AHCTF1: variants seen among roughly 807,000 people sequenced by gnomAD.
The protein encoded by AHCTF1 is AT-hook containing transcription factor 1, also known as protein ELYS.
AHCTF1 carries 24 observed loss-of-function variants against 248.4 expected under a neutral mutation model. The ratio of observed to expected loss-of-function variants is 0.10; its 90% CI spans 0.07 to 0.14. The LOEUF (loss-of-function observed/expected upper bound fraction) is 0.14, where lower values mean the gene tolerates loss of function less well. Ranked by LOEUF, AHCTF1 falls within the 10% of genes least tolerant of loss-of-function variation. The pLI is 1.00. For missense variants in AHCTF1, 2,206 were observed against 2,636.2 expected, an observed-to-expected ratio of 0.84 and a Z score of 3.57; for synonymous variants, 786 against 929.8, an observed-to-expected ratio of 0.85 and a Z score of 2.81.
chr1:246,931,890 C>CCTG lies in AHCTF1; in HGVS notation c.-323_-321dup, dbSNP rs1001581144. 6.5e-6 allele frequency: 1 copy of CCTG among 152,734 alleles called. No homozygotes were observed. Among genetic ancestry groups the CCTG allele is most frequent in the African/African-American group, 2.4e-5 (1 of 41,466 alleles). 9.5% of individuals were successfully genotyped at this position (152,734 alleles called of 1,614,324 possible). A position where few individuals can be genotyped will look rare whatever the true frequency, so the allele number is the denominator to read the frequency against. ...CTGGGTCCTTCCCCTTGCAACGCTG[C>CCTG]CTGCTCGCCTCGGACAGCGCCGGCC... On this transcript the variant is annotated 5_prime_UTR_variant, in exon 1 of 36. Transcript: ENST00000648844.
At position 246,849,843 on chromosome 1, in the gene AHCTF1, G is replaced by T. The variant is rs1271952701; in HGVS notation, c.6163C>A (p.Gln2055Lys). The T allele has an allele frequency of 6.2e-7, 1 of 1,613,874 alleles. No homozygotes were observed. Among genetic ancestry groups the T allele is most frequent in the Non-Finnish European group, 8.5e-7 (1 of 1,179,824 alleles). ...GAGTGCAATGAACGTTTTTGGCTTTGACTTTCAGTCTTTTTTGTAAGTTTT... is the reference window on the plus strand; with the variant it reads ...GAGTGCAATGAACGTTTTTGGCTTTTACTTTCAGTCTTTTTTGTAAGTTTT... ...KKKLTKKTESQSQKRSLHSVS... is the reference protein window; with the variant it reads ...KKKLTKKTESKSQKRSLHSVS... The change falls in exon 33 of 36, where the codon CAA becomes AAA. Residue 2055 changes from glutamine to lysine, a missense_variant. Gln to Lys is a moderately conservative substitution (Grantham distance 53, BLOSUM62 1). Around this residue, in one of 6 missense-constraint regions of AHCTF1, gnomAD observed 469 missense variants for 470.0 expected, o/e 1.00. Coordinates refer to ENST00000648844, the MANE Select transcript of AHCTF1 (RefSeq NM_001323342.2).
At chr1:246,898,641 C>T (rs936395398) in intron 11 of AHCTF1, among the ~76,000 whole-genome samples, 1 of 146,434 alleles carries the variant, frequency 6.8e-6, no homozygotes, top group African/African-American at 2.5e-5. Flanking sequence ...CACACACACA[C>T]ACACACACAC....
intron 29 of AHCTF1, among the ~76,000 whole-genome samples, chr1:246,858,739 C>T (rs1383821438): frequency 6.7e-6 from 1 of 149,046 alleles, no homozygotes; most frequent in Non-Finnish European, 1.5e-5. Context: ...GCAGAGGTTG[C>T]GGTGAGCCGA....
At chr1:246,871,471 A>C (rs1662586961) in intron 24 of AHCTF1, among the ~76,000 whole-genome samples, 1 of 152,212 alleles carries the variant, frequency 6.6e-6, no homozygotes, top group Non-Finnish European at 1.5e-5. Flanking sequence ...GGACCTAAAA[A>C]ACAAACCCTT....
At chr1:246,906,515 G>A (rs1665404099) in intron 5 of AHCTF1, among the ~76,000 whole-genome samples, 1 of 152,162 alleles carries the variant, frequency 6.6e-6, no homozygotes, top group South Asian at 2.1e-4. Context: ...TTGGGAAGTG[G>A]AGGTTGCAGT....
At chr1:246,926,301 T>C (rs906930528) in intron 1 of AHCTF1, among the ~76,000 whole-genome samples, 1 of 152,190 alleles carries the variant, frequency 6.6e-6, no homozygotes, top group African/African-American at 2.4e-5. Flanking sequence ...AATTCAAACT[T>C]TGAATCCAGG....
intron 1 of AHCTF1, among the ~76,000 whole-genome samples, chr1:246,920,886 G>C (rs1426509500): frequency 6.6e-6 from 1 of 152,028 alleles, no homozygotes; most frequent in South Asian, 2.1e-4. Context: ...TGGAGTTCAA[G>C]ACTAGCCTGG....
chr1:246,878,229 C>T (rs1396412043), intron 21 of AHCTF1, among the ~76,000 whole-genome samples: 1 of 151,124 alleles, frequency 6.6e-6, no homozygotes, highest in Non-Finnish European at 1.5e-5. Context: ...GAGACCCTAA[C>T]TACAAAAAAA....
chr1:246,842,709 G>T lies in AHCTF1; in HGVS notation c.6593C>A (p.Thr2198Lys), dbSNP rs1659968166. 6.2e-7 allele frequency: 1 copy of T among 1,613,334 alleles called. No individual in the cohort carries two copies. The highest frequency in any genetic ancestry group is 8.5e-7 in the Non-Finnish European group (1 of 1,179,986). The change falls in exon 35 of 36, where the codon ACA (threonine) becomes AAA (lysine). Residue 2198 changes from threonine (T) to lysine (K), a missense_variant. By Grantham distance (78) the Thr-to-Lys change is moderately conservative. This residue lies in a region of AHCTF1 where 469 missense variants were observed against 470.0 expected (regional missense o/e 1.00). Transcript: ENST00000648844. ...PKAKRIRTSK[T>K]KQASKNTEKE... ...AAAGTCATACTTGCTTGCTTGTTTT[G>T]TTTTTGACGTCCTGATTCGTTTCGC...
chr1:246,869,025 T>TA (rs1431274770), intron 24 of AHCTF1, among the ~76,000 whole-genome samples: 6 of 151,574 alleles, frequency 4.0e-5, no homozygotes, highest in African/African-American at 1.5e-4. Context: ...TTTCTATTTT[T>TA]AGTAGAGACG....
At chr1:246,867,535 A>C (rs965281954) in intron 25 of AHCTF1, 126 bp downstream of exon 25, 5 of 1,260,920 alleles carry the variant, frequency 4.0e-6, no homozygotes, top group African/African-American at 1.5e-5. Flanking sequence ...TAGCCAACAT[A>C]AAGAGTTTTT....
At chr1:246,856,986 C>T (rs1306793802) in intron 30 of AHCTF1, among the ~76,000 whole-genome samples, 2 of 152,204 alleles carry the variant, frequency 1.3e-5, no homozygotes, top group Non-Finnish European at 2.9e-5. Flanking sequence ...TCCTCTACAA[C>T]GGTGTTATTC....
At chr1:246,906,715 CA>C (rs1236333130) in intron 5 of AHCTF1, among the ~76,000 whole-genome samples, 1 of 152,090 alleles carries the variant, frequency 6.6e-6, no homozygotes, top group African/African-American at 2.4e-5. Context: ...AATAAATTGA[CA>C]ACTTAAGGGC....
At chr1:246,906,573 C>A (rs1277281325) in intron 5 of AHCTF1, among the ~76,000 whole-genome samples, 1 of 151,838 alleles carries the variant, frequency 6.6e-6, no homozygotes, top group South Asian at 2.1e-4. Flanking sequence ...CAGAGTGAGA[C>A]CCCACCCCCC....
chr1:246,867,959 T>C (rs1459841249), intron 24 of AHCTF1, 148 bp from the exon 25 acceptor site: 7 of 230,046 alleles, frequency 3.0e-5, no homozygotes, highest in African/African-American at 1.9e-4. Flanking sequence ...TAATTATATA[T>C]ATATAATTAA....
chr1:246,917,849 C>A (rs535063943), intron 2 of AHCTF1, among the ~76,000 whole-genome samples: 18 of 152,086 alleles, frequency 1.2e-4, no homozygotes, highest in Non-Finnish European at 2.5e-4. Context: ...AATCAGAAAA[C>A]GAGATTTTCT....
chr1:246,840,123 T>C lies in AHCTF1; in HGVS notation c.*683A>G, dbSNP rs1659752143. On this transcript the variant is annotated 3_prime_UTR_variant, in exon 36 of 36. Transcript: ENST00000648844. ...CTTTGATAAGGTTGCAAGTGAGCAG[T>C]GAACCGGTCAATCTAACCTGGATTA... 1 of 152,640 alleles carries C rather than the reference T, an allele frequency of 6.6e-6. No homozygotes were observed. The highest frequency in any genetic ancestry group is 1.5e-5 in the Non-Finnish European group (1 of 68,042). 9.5% of individuals were successfully genotyped at this position (152,640 alleles called of 1,614,324 possible). A position where few individuals can be genotyped will look rare whatever the true frequency, so the allele number is the denominator to read the frequency against.
chr1:246,856,994 T>C (rs937245968), intron 30 of AHCTF1, among the ~76,000 whole-genome samples: 2 of 152,258 alleles, frequency 1.3e-5, no homozygotes, highest in Non-Finnish European at 1.5e-5. Flanking sequence ...AACGGTGTTA[T>C]TCAAAAGTGC....
At position 246,861,214 on chromosome 1, in the gene AHCTF1, T is replaced by G. The variant is rs1170994117; in HGVS notation, c.3817A>C (p.Lys1273Gln). The G allele has an allele frequency of 1.2e-6, 2 of 1,613,652 alleles. No homozygotes were observed. Among genetic ancestry groups the G allele is most frequent in the South Asian group, 1.1e-5 (1 of 91,010 alleles). Residue 1273 changes from lysine to glutamine, a missense_variant, in exon 29 of 36, where the codon AAA (lysine) becomes CAA (glutamine). Coordinates refer to ENST00000648844, the MANE Select transcript of AHCTF1 (RefSeq NM_001323342.2). ...VPVETEWLKS[K>Q]DRTTSFFLNS... ...AGGAAAAAAGATGTGGTCCTATCTT[T>G]GCTCTTCAGCCATTCAGTTTCCACT... is the stretch of plus-strand genomic sequence containing the variant.
Sources: gnomAD v4.1 joint callset for allele counts (sites outside exome capture counted in the v4.1 genomes callset) on GRCh38, gnomAD v4.1.1 for gene constraint, gnomAD v4.1.1 regional missense constraint, MANE v1.5 for transcripts, NCBI Gene and HGNC (gene_info 2026-07-23, HGNC 2026-07-21) for gene names.